The following BRINP1 variants were observed in gnomAD, a reference collection of about 807,000 sequenced individuals.
BRINP1 encodes the protein BMP/retinoic acid inducible neural specific 1.
Under a neutral mutation model 72.9 loss-of-function variants are expected in BRINP1, and 17 were observed. The ratio of observed to expected loss-of-function variants is 0.23; its 90% confidence interval spans 0.16 to 0.35. The LOEUF is 0.35. BRINP1 is among the 10% of genes least tolerant of loss of function. BRINP1 has a pLI of 1.00. For synonymous variants in BRINP1, 418 were observed against 378.5 expected, an observed-to-expected ratio of 1.10 and a Z score of -1.21; for missense variants, 850 against 1,001.6, an observed-to-expected ratio of 0.85 and a Z score of 2.04.
chr9:119,259,199 G>A (rs1362547971), intron 2 of BRINP1, among the ~76,000 whole-genome samples: 2 of 152,168 alleles, frequency 1.3e-5, no homozygotes, highest in Non-Finnish European at 2.9e-5. Flanking sequence ...GGCCTGGTCT[G>A]GCTCTGAATC....
At chr9:119,259,765 G>C (rs1830480464) in intron 2 of BRINP1, among the ~76,000 whole-genome samples, 2 of 152,174 alleles carry the variant, frequency 1.3e-5, no homozygotes, top group African/African-American at 4.8e-5. Context: ...CAGGGACTCT[G>C]AAAGAGGAGA....
rs1564228722 is a variant in BRINP1, at chr9:119,250,086, AAG to A, written c.219-938_219-937del. Among the ~76,000 whole-genome samples the A allele has an allele frequency of 1.2e-3, 100 of 84,734 alleles. 1 individual carries two copies. Among genetic ancestry groups the A allele is most frequent in the Non-Finnish European group, 1.8e-3 (64 of 36,068 alleles). 55.6% of individuals were successfully genotyped at this position (84,734 alleles called of 152,430 possible). A position where few individuals can be genotyped will look rare whatever the true frequency, so the allele number is the denominator to read the frequency against. Reference sequence around the variant, plus strand: ...GGAAGAAGGAAGGAAGGAAGAAAGGAAGGAAGGAAGGAAGAAAAGGAAGGAGG... The same window carrying A: ...GGAAGAAGGAAGGAAGGAAGAAAGGAGAAGGAAGGAAGAAAAGGAAGGAGG... On this transcript the variant is annotated intron_variant, in intron 2 of 7. Coordinates refer to ENST00000265922, the MANE Select transcript of BRINP1 (RefSeq NM_014618.3).
chr9:119,309,123 G>A (rs924346789), intron 2 of BRINP1, among the ~76,000 whole-genome samples: 3 of 152,132 alleles, frequency 2.0e-5, no homozygotes, highest in Non-Finnish European at 4.4e-5. Flanking sequence ...CCACCATTCC[G>A]ACATGCCTTT....
At chr9:119,294,816 A>G (rs1335053914) in intron 2 of BRINP1, among the ~76,000 whole-genome samples, 1 of 145,700 alleles carries the variant, frequency 6.9e-6, no homozygotes, top group Non-Finnish European at 1.5e-5. Flanking sequence ...AGATCACACC[A>G]CTGCACTCTA....
At chr9:119,367,221 G>GTGTGTGATATATATATATATATAT (rs1564259756) in intron 1 of BRINP1, among the ~76,000 whole-genome samples, 1 of 99,850 alleles carries the variant, frequency 1.0e-5, no homozygotes, top group Non-Finnish European at 1.9e-5. Context: ...GTGTGTGATT[G>GTGTGTGATATATATATATATATAT]ATATATATAT....
chr9:119,299,988 A>G (rs1021905501), intron 2 of BRINP1, among the ~76,000 whole-genome samples: 1 of 152,146 alleles, frequency 6.6e-6, no homozygotes, highest in Non-Finnish European at 1.5e-5. Context: ...TAGATTTCCA[A>G]GTTTCCCCAG....
Position 119,249,142 on chromosome 9 carries a change from G to A in BRINP1, c.227C>T (p.Ala76Val). 6.2e-7 allele frequency: 1 copy of A among 1,612,742 alleles called. No individual in the cohort carries two copies. The highest frequency in any genetic ancestry group is 8.5e-7 in the Non-Finnish European group (1 of 1,179,466). The change falls in exon 3 of 8, where the codon GCC becomes GTC. Residue 76 changes from alanine (A) to valine (V), a missense_variant. Transcript: ENST00000265922. ...TTRYKIYREF[A>V]RWKVRNTAIE... ...GGCTGTGTTCCTCACCTTCCAACGG[G>A]CAAACTCCCTGGGCAGGAGAAATGA... is the stretch of plus-strand genomic sequence containing the variant.
In BRINP1 at chr9:119,263,550, C is replaced by G. The variant is rs575783446; in HGVS notation, c.219-14400G>C. Among the ~76,000 whole-genome samples, 281 of 148,714 alleles carry G rather than the reference C, an allele frequency of 1.9e-3. 2 individuals carry two copies. The highest frequency in any genetic ancestry group is 3.1e-3 in the Non-Finnish European group (210 of 67,530). ...TTGGACAGGGACTGTATCTATTTTTCTCATCTCTAAGTACATTGCCTGGAA... is the reference window on the plus strand; with the variant it reads ...TTGGACAGGGACTGTATCTATTTTTGTCATCTCTAAGTACATTGCCTGGAA... On this transcript the variant is annotated intron_variant, in intron 2 of 7. Coordinates refer to ENST00000265922, the MANE Select transcript of BRINP1 (RefSeq NM_014618.3).
At chr9:119,211,208 ATTTT>A (rs869120198) in intron 6 of BRINP1, among the ~76,000 whole-genome samples, 63 of 129,142 alleles carry the variant, frequency 4.9e-4, no homozygotes, top group South Asian at 3.8e-3. Flanking sequence ...TTATTTATTT[ATTTT>A]TTGAGACACA....
intron 2 of BRINP1, among the ~76,000 whole-genome samples, chr9:119,291,150 G>T (rs528579978): frequency 6.6e-6 from 1 of 150,458 alleles, no homozygotes; most frequent in African/African-American, 2.5e-5. Context: ...ATTAGAAAAA[G>T]TTGCTCCCTC....
At chr9:119,338,989 A>G (rs1831381614) in intron 1 of BRINP1, among the ~76,000 whole-genome samples, 1 of 152,164 alleles carries the variant, frequency 6.6e-6, no homozygotes, top group Non-Finnish European at 1.5e-5. Flanking sequence ...AGGACAGTGA[A>G]AGGAAGATGA....
intron 1 of BRINP1, among the ~76,000 whole-genome samples, chr9:119,321,211 G>A (rs948982854): frequency 1.3e-5 from 2 of 152,256 alleles, no homozygotes; most frequent in Admixed American, 6.5e-5. Context: ...GATTACAGGC[G>A]TGAGCCACCG....
At chr9:119,209,654 A>G (rs955058767) in intron 6 of BRINP1, among the ~76,000 whole-genome samples, 5 of 152,180 alleles carry the variant, frequency 3.3e-5, no homozygotes, top group African/African-American at 1.2e-4. Context: ...GATGGTAGCT[A>G]TAAAAATAAA....
intron 7 of BRINP1, among the ~76,000 whole-genome samples, chr9:119,199,639 G>T (rs1054053939): frequency 6.6e-6 from 1 of 151,988 alleles, no homozygotes; most frequent in Non-Finnish European, 1.5e-5. Context: ...AAGCTTCCAT[G>T]GATCTTATTT....
chr9:119,176,442 C>T (rs181967844), intron 7 of BRINP1, among the ~76,000 whole-genome samples: 221 of 152,278 alleles, frequency 1.5e-3, no homozygotes, highest in African/African-American at 4.9e-3. Flanking sequence ...ATCCCCAAAC[C>T]ACAAACACCA....
intron 2 of BRINP1, among the ~76,000 whole-genome samples, chr9:119,310,535 T>G (rs1831050832): frequency 6.6e-6 from 1 of 152,140 alleles, no homozygotes; most frequent in Admixed American, 6.5e-5. Flanking sequence ...GAAGATGGCC[T>G]TAACCTAGTT....
At chr9:119,202,924 G>A (rs907976182) in intron 7 of BRINP1, among the ~76,000 whole-genome samples, 4 of 152,036 alleles carry the variant, frequency 2.6e-5, no homozygotes, top group Non-Finnish European at 5.9e-5. Context: ...ATGCTGAGTT[G>A]GACTGCACTG....
At chr9:119,179,110 G>A (rs1015377771) in intron 7 of BRINP1, among the ~76,000 whole-genome samples, 11 of 152,044 alleles carry the variant, frequency 7.2e-5, no homozygotes, top group African/African-American at 1.7e-4. Flanking sequence ...CCTCAACCCC[G>A]GCAACAGAGA....
chr9:119,324,684 T>C (rs567323826), intron 1 of BRINP1, among the ~76,000 whole-genome samples: 1 of 152,298 alleles, frequency 6.6e-6, no homozygotes, highest in African/African-American at 2.4e-5. Flanking sequence ...CACTGGGGAA[T>C]TGAGATATTA....
Sources: gnomAD v4.1 joint callset for allele counts (sites outside exome capture counted in the v4.1 genomes callset) on GRCh38, gnomAD v4.1.1 for gene constraint, MANE v1.5 for transcripts, NCBI Gene and HGNC (gene_info 2026-07-23, HGNC 2026-07-21) for gene names.